KDM4B: variants seen among roughly 807,000 people sequenced by gnomAD.
The protein encoded by KDM4B is lysine demethylase 4B.
In KDM4B, 32 loss-of-function variants were observed where a neutral mutation model predicts 125.2. That is an observed-to-expected ratio of 0.26 (90% CI 0.19 to 0.34). The LOEUF is 0.34. KDM4B is among the 10% of genes least tolerant of loss of function. The pLI is 1.00. For missense variants in KDM4B, 1,190 were observed against 1,577.7 expected, an observed-to-expected ratio of 0.75 and a Z score of 4.16; for synonymous variants, 721 against 677.9, an observed-to-expected ratio of 1.06 and a Z score of -0.99.
rs1426006587 is a variant in KDM4B at position 5,114,006 on chromosome 19, G to T, written c.1115+3188G>T. ...AACTAAATCTCGTTGAGCGAGCGTT[G>T]GGGGCTGTTTGTATTCTTCCCCCTG... On this transcript the variant is annotated intron_variant, in intron 10 of 22. Transcript: ENST00000159111. The surrounding 1 kb of genome is among the most constrained non-coding windows in gnomAD (Gnocchi z 5.8). 7.9e-7 allele frequency: 1 copy of T among 1,270,042 alleles called. No individual in the cohort carries two copies. The highest frequency in any genetic ancestry group is 5.6e-5 in the East Asian group (1 of 17,802). 78.7% of individuals were successfully genotyped at this position (1,270,042 alleles called of 1,614,324 possible). A position where few individuals can be genotyped will look rare whatever the true frequency, so the allele number is the denominator to read the frequency against.
At chr19:5,112,174 G>T in intron 10 of KDM4B, 1 of 262,990 alleles carries the variant, frequency 3.8e-6, no homozygotes, top group Non-Finnish European at 7.4e-6. Flanking sequence ...GATCACTTAA[G>T]CCCAGGAGGT....
At chr19:5,056,791 C>A (rs1023069521) in intron 6 of KDM4B, among the ~76,000 whole-genome samples, 2 of 151,100 alleles carry the variant, frequency 1.3e-5, no homozygotes, top group African/African-American at 4.9e-5. Flanking sequence ...ATGTGTCACT[C>A]GAGGAGTGTG....
intron 9 of KDM4B, 116 bp from the exon 10 acceptor site, chr19:5,110,506 C>A: frequency 1.1e-6 from 1 of 901,024 alleles, no homozygotes; most frequent in Middle Eastern, 2.8e-4. Context: ...GAATGCTCAG[C>A]GGTGGGATGG....
At chr19:5,110,494 C>T (rs766695373) in intron 9 of KDM4B, 128 bp from the exon 10 acceptor site, 11 of 819,784 alleles carry the variant, frequency 1.3e-5, no homozygotes, top group Admixed American at 9.6e-5. Context: ...GTTCTAGAAG[C>T]GGAATGCTCA....
At chr19:5,145,056 C>T (rs1390792945) in intron 21 of KDM4B, among the ~76,000 whole-genome samples, 154 bp downstream of exon 21, 1 of 152,234 alleles carries the variant, frequency 6.6e-6, no homozygotes, top group Non-Finnish European at 1.5e-5. Flanking sequence ...CCCAGCTGAG[C>T]CTTGGCTCGC....
chr19:5,102,577 C>T (rs1345672291), intron 9 of KDM4B, among the ~76,000 whole-genome samples: 5 of 152,152 alleles, frequency 3.3e-5, no homozygotes, highest in African/African-American at 1.2e-4. Context: ...GGGGCCGGGG[C>T]CGGGGTGGCA....
chr19:4,973,692 C>T (rs1049681878), intron 1 of KDM4B, among the ~76,000 whole-genome samples: 3 of 152,014 alleles, frequency 2.0e-5, no homozygotes, highest in Admixed American at 1.3e-4. Context: ...GATCTGGGTC[C>T]GTCTATTCCC....
chr19:5,137,830 C>A, intron 17 of KDM4B, 132 bp from the exon 18 acceptor site: 1 of 1,022,696 alleles, frequency 9.8e-7, no homozygotes, highest in Non-Finnish European at 1.4e-6. Flanking sequence ...TGAGGAGGAG[C>A]ATACGCCTGC....
chr19:5,076,707 T>C (rs894906381), intron 7 of KDM4B: 2 of 155,510 alleles, frequency 1.3e-5, no homozygotes, highest in Non-Finnish European at 2.8e-5. Flanking sequence ...TTGTGCTCTC[T>C]CGTTGACCGA....
At chr19:5,008,805 A>G (rs1428966910) in intron 1 of KDM4B, among the ~76,000 whole-genome samples, 1 of 148,526 alleles carries the variant, frequency 6.7e-6, no homozygotes, top group Non-Finnish European at 1.5e-5. Flanking sequence ...TTTTCACCAT[A>G]CTGGCCAGGC....
chr19:5,138,891 A>T lies in KDM4B; in HGVS notation c.2550+821A>T, dbSNP rs1339683595. Among the ~76,000 whole-genome samples, 3 of 152,076 alleles carry T rather than the reference A, an allele frequency of 2.0e-5. No homozygotes were observed. The East Asian group carries it at 5.8e-4, about 29-fold the overall frequency. On this transcript the variant is annotated intron_variant, in intron 18 of 22. Transcript: ENST00000159111. The stretch of plus-strand genomic sequence containing the variant: ...TTGCCTGTGTTATAGACCCCACGTG[A>T]GTGGGATTGTACAGTCTTTATTCTT...
intron 10 of KDM4B, chr19:5,119,210 C>T (rs574729566): frequency 3.5e-5 from 53 of 1,531,824 alleles, no homozygotes; most frequent in Middle Eastern, 1.7e-4. Context: ...ACCAAAAGGC[C>T]GGGGCTGTCG....
intron 2 of KDM4B, among the ~76,000 whole-genome samples, chr19:5,020,175 G>GCA (rs1398815210): frequency 5.8e-4 from 80 of 137,634 alleles, no homozygotes; most frequent in African/African-American, 2.0e-3. Context: ...ATGTTGGTGT[G>GCA]GGTGTTGGTG....
At chr19:4,974,461 A>G (rs1447286021) in intron 1 of KDM4B, among the ~76,000 whole-genome samples, 1 of 147,786 alleles carries the variant, frequency 6.8e-6, no homozygotes. Flanking sequence ...AAAACTGGCC[A>G]GGTGTGGTGG....
chr19:5,137,939 C>G, intron 17 of KDM4B, 23 bp from the exon 18 acceptor site: 1 of 1,593,012 alleles, frequency 6.3e-7, no homozygotes, highest in South Asian at 1.1e-5. Flanking sequence ...GCGCACCTGA[C>G]CCCGCTGCAC....
chr19:5,011,163 A>G (rs186023929), intron 1 of KDM4B, among the ~76,000 whole-genome samples: 175 of 152,122 alleles, frequency 1.2e-3, no homozygotes, highest in African/African-American at 4.1e-3. Context: ...CTCAGCTTGT[A>G]TATTCTGCCC....
At position 5,121,403 on chromosome 19, in the gene KDM4B, C is replaced by T. The variant is rs889188130; in HGVS notation, c.1315+1551C>T. ...GGGTAGAAGAGAAAAGCACAGCTGT[C>T]GTGGCACTGTTATTATGTAGCGACA... is the stretch of plus-strand genomic sequence containing the variant. On this transcript the variant is annotated intron_variant, in intron 11 of 22. Coordinates refer to ENST00000159111, the MANE Select transcript of KDM4B (RefSeq NM_015015.3). 3.3e-5 allele frequency among the ~76,000 whole-genome samples: 5 copies of T among 152,276 alleles called. No homozygotes were observed. The South Asian group carries it at 6.2e-4, about 19-fold the overall frequency.
At chr19:4,975,882 C>T (rs535163767) in intron 1 of KDM4B, among the ~76,000 whole-genome samples, 45 of 151,236 alleles carry the variant, frequency 3.0e-4, no homozygotes, top group Middle Eastern at 3.4e-3. Flanking sequence ...CGTGACCCAC[C>T]GTGCCCAGCC....
At chr19:5,111,721 A>G (rs1054681944) in intron 10 of KDM4B, 22 of 760,508 alleles carry the variant, frequency 2.9e-5, no homozygotes, top group Admixed American at 8.5e-5. Context: ...GGCTCAGCCA[A>G]CTCCTCCGGG....
Sources: allele counts gnomAD v4.1 joint callset (sites outside exome capture counted in the v4.1 genomes callset), GRCh38; gene constraint gnomAD v4.1.1; non-coding constraint Gnocchi (gnomAD v3.1); transcripts MANE v1.5; gene names NCBI Gene and HGNC (gene_info 2026-07-23, HGNC 2026-07-21).